The following RSF1 variants were observed in gnomAD, a reference collection of about 807,000 sequenced individuals.
RSF1 encodes the protein HBV pX-associated protein 8.
Under a neutral mutation model 145.2 loss-of-function variants are expected in RSF1, and 13 were observed. That is an observed-to-expected ratio of 0.09 (90% CI 0.06 to 0.14). RSF1 has a LOEUF of 0.14. RSF1 is among the 10% of genes least tolerant of loss of function. RSF1 has a pLI of 1.00. For synonymous variants in RSF1, 577 were observed against 592.6 expected, an observed-to-expected ratio of 0.97 and a Z score of 0.38; for missense variants, 1,517 against 1,718.2, an observed-to-expected ratio of 0.88 and a Z score of 2.07.
At chr11:77,871,600 A>G in the RSF1 span, among the ~76,000 whole-genome samples, 1 of 152,214 alleles carries the variant, frequency 6.6e-6, no homozygotes, top group Non-Finnish European at 1.5e-5. Flanking sequence ...TCATCCTCAC[A>G]CCAACCCTGT....
At chr11:77,673,145 G>A (rs1037970930) in intron 14 of RSF1, among the ~76,000 whole-genome samples, 1 of 152,188 alleles carries the variant, frequency 6.6e-6, no homozygotes, top group Non-Finnish European at 1.5e-5. Context: ...ATAATGTATT[G>A]CAGAGGTTAT....
At chr11:77,852,670 G>C in the RSF1 span, among the ~76,000 whole-genome samples, 2 of 152,124 alleles carry the variant, frequency 1.3e-5, no homozygotes, top group East Asian at 1.9e-4. Flanking sequence ...ACTCCATGTA[G>C]GTAATTATTT....
the RSF1 span, among the ~76,000 whole-genome samples, chr11:77,865,976 A>T: frequency 6.6e-6 from 1 of 152,244 alleles, no homozygotes; most frequent in Non-Finnish European, 1.5e-5. Context: ...AGCAATAATG[A>T]GAATGTGACT....
chr11:77,773,687 C>T (rs1948311258), intron 1 of RSF1, among the ~76,000 whole-genome samples: 1 of 152,016 alleles, frequency 6.6e-6, no homozygotes, highest in Non-Finnish European at 1.5e-5. Flanking sequence ...ATAGACAATG[C>T]CTAACCTACA....
intron 1 of RSF1, among the ~76,000 whole-genome samples, chr11:77,767,621 T>C (rs1052875074): frequency 2.0e-5 from 3 of 152,200 alleles, no homozygotes; most frequent in Non-Finnish European, 4.4e-5. Flanking sequence ...TAAAGAGTTA[T>C]TTATTGTTTT....
At chr11:77,851,523 A>G in the RSF1 span, 1 of 152,064 alleles carries the variant, frequency 6.6e-6, no homozygotes, top group African/African-American at 2.4e-5. Flanking sequence ...CCCCACCCAA[A>G]TCTTTTGTTG....
chr11:77,869,827 G>T, the RSF1 span: 11 of 1,612,080 alleles, frequency 6.8e-6, no homozygotes, highest in Non-Finnish European at 9.3e-6. Flanking sequence ...GGTAGGTGTT[G>T]GTATGCACAG....
chr11:77,711,266 A>G (rs981763537), intron 5 of RSF1, among the ~76,000 whole-genome samples: 10 of 152,192 alleles, frequency 6.6e-5, no homozygotes, highest in Admixed American at 3.9e-4. Context: ...TCAAGGACAC[A>G]GATAATACAA....
At chr11:77,737,547 A>C (rs1275411125) in intron 4 of RSF1, among the ~76,000 whole-genome samples, 1 of 151,864 alleles carries the variant, frequency 6.6e-6, no homozygotes, top group Non-Finnish European at 1.5e-5. Context: ...CCTTCTGAAC[A>C]ATTGCCACAT....
At chr11:77,858,444 G>C in the RSF1 span, among the ~76,000 whole-genome samples, 1 of 151,240 alleles carries the variant, frequency 6.6e-6, no homozygotes, top group Non-Finnish European at 1.5e-5. Flanking sequence ...TAGATGATTG[G>C]CTATTTCTTT....
chr11:77,708,961 C>T (rs562017955), intron 5 of RSF1, among the ~76,000 whole-genome samples: 162 of 152,330 alleles, frequency 1.1e-3, no homozygotes, highest in African/African-American at 3.8e-3. Flanking sequence ...AAAAAGGAGT[C>T]ATTGACAATC....
intron 1 of RSF1, among the ~76,000 whole-genome samples, chr11:77,781,449 G>A (rs1948403551): frequency 6.6e-6 from 1 of 152,166 alleles, no homozygotes; most frequent in African/African-American, 2.4e-5. Context: ...TTCTGTGCAA[G>A]TCTTTGTATA....
At chr11:77,827,595 ATAATAAAC>A in the RSF1 span, among the ~76,000 whole-genome samples, 1 of 152,228 alleles carries the variant, frequency 6.6e-6, no homozygotes, top group African/African-American at 2.4e-5. Context: ...CATGTTAAAA[ATAATAAAC>A]TAGGAAGAGA....
chr11:77,671,171 A>G (rs56372719), intron 15 of RSF1, among the ~76,000 whole-genome samples: 10 of 97,682 alleles, frequency 1.0e-4, no homozygotes, highest in African/African-American at 3.5e-4. Context: ...ATATATATAT[A>G]TATATATTTA....
intron 5 of RSF1, among the ~76,000 whole-genome samples, chr11:77,705,587 C>T (rs1194919967): frequency 6.6e-6 from 1 of 152,186 alleles, no homozygotes; most frequent in Non-Finnish European, 1.5e-5. Flanking sequence ...AAGGCACTTG[C>T]CTCCTCAAAC....
intron 1 of RSF1, among the ~76,000 whole-genome samples, chr11:77,813,974 C>A (rs1948757689): frequency 1.3e-5 from 2 of 151,688 alleles, no homozygotes; most frequent in Admixed American, 1.3e-4. Flanking sequence ...GTGGAGGTGG[C>A]TGGATCACCT....
rs1432108053 is a variant in RSF1 at position 77,737,619 on chromosome 11, GGGGTGTGTGT to G, written c.578+3102_578+3111del. The stretch of plus-strand genomic sequence containing the variant: ...TGGAAAGAAGTTTTATGTGTTTTGG[GGGGTGTGTGT>G]GTGTGTGTGTGTGTGTGTGTGTGTG... On this transcript the variant is annotated intron_variant, in intron 4 of 15. Coordinates refer to ENST00000308488, the MANE Select transcript of RSF1 (RefSeq NM_016578.4). 3.9e-3 allele frequency among the ~76,000 whole-genome samples: 404 copies of G among 102,376 alleles called. 1 individual carries two copies. Among genetic ancestry groups the G allele is most frequent in the South Asian group, 0.011 (30 of 2,720 alleles). 67.2% of individuals were successfully genotyped at this position (102,376 alleles called of 152,430 possible).
intron 5 of RSF1, among the ~76,000 whole-genome samples, chr11:77,721,477 G>C (rs765247322): frequency 2.0e-5 from 3 of 152,182 alleles, no homozygotes; most frequent in Non-Finnish European, 4.4e-5. Context: ...AGGGCACAGG[G>C]ACTCTGGAGA....
At chr11:77,804,717 C>T (rs780998925) in intron 1 of RSF1, among the ~76,000 whole-genome samples, 2 of 152,094 alleles carry the variant, frequency 1.3e-5, no homozygotes, top group Admixed American at 1.3e-4. Flanking sequence ...CCTGTGGTCC[C>T]AGCTACTCAA....
Sources: allele counts gnomAD v4.1 joint callset (sites outside exome capture counted in the v4.1 genomes callset), GRCh38; gene constraint gnomAD v4.1.1; transcripts MANE v1.5; gene names NCBI Gene and HGNC (gene_info 2026-07-23, HGNC 2026-07-21).